Variants in DOCK3 observed in about 807,000 individuals in gnomAD.
The protein encoded by DOCK3 is dedicator of cytokinesis protein 3.
In DOCK3, 60 loss-of-function variants were observed where a neutral mutation model predicts 265.6. The ratio of observed to expected loss-of-function variants is 0.23; its 90% CI spans 0.18 to 0.28. The LOEUF (loss-of-function observed/expected upper bound fraction) is 0.28, where lower values mean the gene tolerates loss of function less well. DOCK3 is among the 10% of genes least tolerant of loss of function. The pLI, the probability that DOCK3 is intolerant of heterozygous loss-of-function variation, is 1.00. For missense variants in DOCK3, 1,981 were observed against 2,594.3 expected (o/e 0.76, Z 5.14); for synonymous variants, 881 against 938.0 (o/e 0.94, Z 1.11).
intron 1 of DOCK3, among the ~76,000 whole-genome samples, chr3:50,736,997 A>G (rs547731515): frequency 2.0e-4 from 31 of 151,896 alleles, no homozygotes; most frequent in African/African-American, 6.5e-4. Flanking sequence ...TGGCCAATAA[A>G]TGTCTTCTTT....
At chr3:51,326,565 C>T (rs1450274176) in intron 32 of DOCK3, among the ~76,000 whole-genome samples, 1 of 150,800 alleles carries the variant, frequency 6.6e-6, no homozygotes, top group Non-Finnish European at 1.5e-5. Context: ...CAGGCGTGAG[C>T]CCCCACGCCT....
At chr3:50,999,478 T>C (rs2078397412) in intron 5 of DOCK3, among the ~76,000 whole-genome samples, 1 of 152,234 alleles carries the variant, frequency 6.6e-6, no homozygotes, top group African/African-American at 2.4e-5. Context: ...GAAACATACA[T>C]TCTATGATCT....
chr3:51,347,295 C>A (rs1274745885), intron 38 of DOCK3, among the ~76,000 whole-genome samples: 1 of 151,868 alleles, frequency 6.6e-6, no homozygotes, highest in Admixed American at 6.6e-5. Context: ...GTCTTTAATC[C>A]ATCTTAAATT....
At chr3:50,878,432 T>G (rs934839294) in intron 3 of DOCK3, among the ~76,000 whole-genome samples, 17 of 152,254 alleles carry the variant, frequency 1.1e-4, no homozygotes, top group Admixed American at 1.0e-3. Context: ...GAGAAGACCT[T>G]AAATGACCTG....
chr3:51,231,054 A>C (rs1002229765), intron 19 of DOCK3, among the ~76,000 whole-genome samples: 1 of 149,734 alleles, frequency 6.7e-6, no homozygotes, highest in African/African-American at 2.5e-5. Flanking sequence ...ACTAATTTAC[A>C]TTCCCACCAA....
chr3:51,122,628 A>AG (rs2084078665), intron 9 of DOCK3, among the ~76,000 whole-genome samples: 1 of 152,232 alleles, frequency 6.6e-6, no homozygotes, highest in Admixed American at 6.5e-5. Flanking sequence ...GATAAGGCTG[A>AG]GCACCCTATG....
chr3:50,722,560 C>T (rs913150010), intron 1 of DOCK3, among the ~76,000 whole-genome samples: 1 of 152,040 alleles, frequency 6.6e-6, no homozygotes, highest in African/African-American at 2.4e-5. Flanking sequence ...TACTGTCTGT[C>T]ATACAGTAAA....
chr3:51,019,262 A>T (rs2079486234), intron 5 of DOCK3, among the ~76,000 whole-genome samples: 1 of 151,888 alleles, frequency 6.6e-6, no homozygotes, highest in Admixed American at 6.6e-5. Context: ...TTACATTCAG[A>T]TCTAATATAC....
intron 2 of DOCK3, among the ~76,000 whole-genome samples, chr3:50,805,711 A>AT (rs1355510526): frequency 6.6e-6 from 1 of 151,582 alleles, no homozygotes; most frequent in East Asian, 1.9e-4. Flanking sequence ...TCTGATCTGG[A>AT]TTTTGCCCAC....
intron 7 of DOCK3, among the ~76,000 whole-genome samples, chr3:51,087,341 C>T (rs1483225914): frequency 6.6e-6 from 1 of 152,168 alleles, no homozygotes; most frequent in Non-Finnish European, 1.5e-5. Context: ...ATGTGCAAAT[C>T]AATCAGTGTG....
At chr3:51,052,607 G>A (rs183960143) in intron 5 of DOCK3, among the ~76,000 whole-genome samples, 102 of 152,244 alleles carry the variant, frequency 6.7e-4, no homozygotes, top group Middle Eastern at 3.4e-3. Flanking sequence ...AGCTCTTTTC[G>A]TGTGAAAGGA....
At chr3:51,260,421 C>T in intron 23 of DOCK3, 95 bp downstream of exon 23, 5 of 1,365,154 alleles carry the variant, frequency 3.7e-6, no homozygotes, top group South Asian at 3.1e-5. Context: ...GAAGCCCTGC[C>T]AGGATCATGT....
intron 3 of DOCK3, among the ~76,000 whole-genome samples, chr3:50,844,737 T>G (rs986607402): frequency 6.6e-6 from 1 of 152,204 alleles, no homozygotes; most frequent in African/African-American, 2.4e-5. Context: ...AACTAAATTT[T>G]ATGCTAGATG....
At chr3:51,080,679 G>A (rs923230785) in intron 7 of DOCK3, among the ~76,000 whole-genome samples, 1 of 152,162 alleles carries the variant, frequency 6.6e-6, no homozygotes, top group African/African-American at 2.4e-5. Flanking sequence ...ACTGAAATTA[G>A]CTGCTTCATA....
Position 50,907,430 on chromosome 3 carries a change from G to A in DOCK3, c.218+17349G>A, listed in dbSNP as rs188603856. ...TCTAAGGACTTGCTTTATGAATCTG[G>A]TTGCTCCTGTATTGGGTGCATATAT... is the stretch of plus-strand genomic sequence containing the variant. On this transcript the variant is annotated intron_variant, in intron 4 of 52. Transcript: ENST00000266037. Among the ~76,000 whole-genome samples the A allele has an allele frequency of 3.9e-5, 6 of 152,130 alleles. No homozygotes were observed. The East Asian group carries it at 1.2e-3, about 29-fold the overall frequency.
At chr3:50,918,985 C>A (rs1381217199) in intron 4 of DOCK3, among the ~76,000 whole-genome samples, 4 of 152,168 alleles carry the variant, frequency 2.6e-5, no homozygotes, top group Non-Finnish European at 4.4e-5. Context: ...GTATAGCTAG[C>A]CAGTTTTCCT....
At chr3:51,296,987 G>A (rs894939846) in intron 27 of DOCK3, among the ~76,000 whole-genome samples, 8 of 151,346 alleles carry the variant, frequency 5.3e-5, no homozygotes, top group Non-Finnish European at 8.8e-5. Context: ...GCATGGTGGC[G>A]GGCACTTGTA....
chr3:50,978,456 C>T lies in DOCK3; in HGVS notation c.315+44379C>T, dbSNP rs1418126188. On this transcript the variant is annotated intron_variant, in intron 5 of 52. Transcript: ENST00000266037. ...GGGGGTGCCTCCCAGTTAGGCTGCT[C>T]GGGGGTCAGGTGTCAGGGACCCTCT... Among the ~76,000 whole-genome samples the T allele has an allele frequency of 4.6e-5, 7 of 152,162 alleles. No individual in the cohort carries two copies. The East Asian group carries it at 1.2e-3, about 25-fold the overall frequency.
At chr3:51,265,215 G>C (rs112906729) in intron 23 of DOCK3, among the ~76,000 whole-genome samples, 1 of 151,872 alleles carries the variant, frequency 6.6e-6, no homozygotes, top group African/African-American at 2.4e-5. Flanking sequence ...AATTAGCAGC[G>C]TACAACCAAA....
Sources: allele counts gnomAD v4.1 joint callset (sites outside exome capture counted in the v4.1 genomes callset), GRCh38; gene constraint gnomAD v4.1.1; transcripts MANE v1.5; gene names NCBI Gene and HGNC (gene_info 2026-07-23, HGNC 2026-07-21).